Variants in SHROOM2 observed in about 807,000 individuals in gnomAD.
SHROOM2 encodes the protein protein Shroom2.
A neutral mutation model predicts 75.9 loss-of-function variants in SHROOM2; 33 were observed. The observed-to-expected ratio is 0.43, with a 90% CI of 0.33 to 0.58. SHROOM2 has a LOEUF of 0.58. Ranked by LOEUF, SHROOM2 falls within the 20% of genes least tolerant of loss-of-function variation. SHROOM2 has a pLI of 0.04. For missense variants in SHROOM2, 1,434 were observed against 1,461.2 expected (o/e 0.98, Z 0.30); for synonymous variants, 655 against 663.6 (o/e 0.99, Z 0.20).
rs183896290 is a variant in SHROOM2, at chrX:9,855,763, T to G, written c.166-17889T>G. ...TCGGGTGTGTCAGCCGCCTTGTCGC[T>G]GTGCTCTGCAAACTCTTGCCCACCA... On this transcript the variant is annotated intron_variant, in intron 1 of 9. Transcript: ENST00000380913. Among the ~76,000 whole-genome samples, 3 of 111,730 alleles carry G rather than the reference T, an allele frequency of 2.7e-5. No individual in the cohort carries two copies. The East Asian group carries it at 8.4e-4, about 31-fold the overall frequency.
intron 1 of SHROOM2, among the ~76,000 whole-genome samples, chrX:9,801,270 G>T (rs2083722811): frequency 8.9e-6 from 1 of 112,107 alleles, no homozygotes. Flanking sequence ...TCTCCCACCA[G>T]GTCCCTCCCA....
intron 1 of SHROOM2, among the ~76,000 whole-genome samples, chrX:9,810,162 A>G (rs1241384544): frequency 9.0e-6 from 1 of 111,247 alleles, no homozygotes; most frequent in East Asian, 2.8e-4. Flanking sequence ...ACTGATGACT[A>G]CCCTCTTCTA....
At chrX:9,937,035 G>A in intron 6 of SHROOM2, 99 bp from the exon 7 acceptor site, 1 of 893,442 alleles carries the variant, frequency 1.1e-6, no homozygotes, top group Non-Finnish European at 1.5e-6. Flanking sequence ...TAGTGCCTTT[G>A]AGTCAGGTTC....
At chrX:9,836,935 C>G (rs753483609) in intron 1 of SHROOM2, among the ~76,000 whole-genome samples, 1 of 112,399 alleles carries the variant, frequency 8.9e-6, no homozygotes, top group African/African-American at 3.2e-5. Context: ...GGACTTGCCT[C>G]ATTTGGACAC....
At chrX:9,852,930 A>T (rs1355445269) in intron 1 of SHROOM2, among the ~76,000 whole-genome samples, 2 of 111,599 alleles carry the variant, frequency 1.8e-5, no homozygotes, top group Admixed American at 1.9e-4. Flanking sequence ...CAATGGATGG[A>T]TGTAGACCTA....
At chrX:9,819,132 C>T (rs1468278044) in intron 1 of SHROOM2, 1 of 1,201,111 alleles carries the variant, frequency 8.3e-7, no homozygotes, top group South Asian at 1.8e-5. Context: ...TCGATAGCCA[C>T]AGGCTTTATA....
intron 1 of SHROOM2, among the ~76,000 whole-genome samples, chrX:9,869,111 C>G (rs2084158219): frequency 9.0e-6 from 1 of 110,716 alleles, no homozygotes. Context: ...CATGCGCCAC[C>G]ATGCCCAGCT....
intron 1 of SHROOM2, among the ~76,000 whole-genome samples, chrX:9,871,271 G>A (rs895827384): frequency 1.8e-5 from 2 of 112,126 alleles, no homozygotes; most frequent in Admixed American, 9.4e-5. Context: ...ACAGATGTGC[G>A]GGCGTCATTC....
At chrX:9,864,344 C>A (rs531423289) in intron 1 of SHROOM2, among the ~76,000 whole-genome samples, 12 of 110,900 alleles carry the variant, frequency 1.1e-4, no homozygotes, top group African/African-American at 3.6e-4. Context: ...ATAGGGAGAG[C>A]CAGGATCAAG....
At position 9,894,489 on chromosome X, in the gene SHROOM2, A is replaced by ACAG; in HGVS notation, c.587_589dup (p.Ser196dup). 1 of 1,206,456 alleles carries ACAG rather than the reference A, an allele frequency of 8.3e-7. No individual in the cohort carries two copies. Among genetic ancestry groups the ACAG allele is most frequent in the East Asian group, 3.0e-5 (1 of 33,691 alleles). ...AGTCGCCTCTCGGTGGCCAAGTCCA[A>ACAG]CAGCAGCATCGACCACCTGGGCAGC... is the stretch of plus-strand genomic sequence containing the variant. On this transcript the variant is annotated inframe_insertion, in exon 4 of 10. Transcript: ENST00000380913.
intron 5 of SHROOM2, among the ~76,000 whole-genome samples, chrX:9,928,024 C>G (rs774281906): frequency 8.9e-6 from 1 of 112,103 alleles, no homozygotes; most frequent in Non-Finnish European, 1.9e-5. Context: ...ACAGTGGTTT[C>G]GGTCCTGTCA....
chrX:9,945,331 G>A (rs754322479), intron 9 of SHROOM2, among the ~76,000 whole-genome samples: 1 of 110,261 alleles, frequency 9.1e-6, no homozygotes, highest in South Asian at 3.9e-4. Context: ...GGCTGGTCTG[G>A]AACTCCTGAG....
intron 6 of SHROOM2, among the ~76,000 whole-genome samples, chrX:9,935,214 G>T (rs1410818920): frequency 9.0e-6 from 1 of 111,605 alleles, no homozygotes; most frequent in Admixed American, 9.5e-5. Context: ...GGCAAGCAGA[G>T]CTTCTCCCGG....
At chrX:9,877,106 G>C (rs186631032) in intron 2 of SHROOM2, among the ~76,000 whole-genome samples, 1 of 112,001 alleles carries the variant, frequency 8.9e-6, no homozygotes, top group East Asian at 2.8e-4. Context: ...ATAGGATTGC[G>C]ATGGGCCACT....
At chrX:9,887,137 A>T (rs1055922668) in intron 2 of SHROOM2, among the ~76,000 whole-genome samples, 1 of 111,888 alleles carries the variant, frequency 8.9e-6, no homozygotes, top group South Asian at 3.7e-4. Context: ...GAAGGTTGAG[A>T]TGTATTTTGG....
chrX:9,833,648 A>ATGTGTGTG (rs1569144908), intron 1 of SHROOM2, among the ~76,000 whole-genome samples: 29 of 77,062 alleles, frequency 3.8e-4, no homozygotes, highest in African/African-American at 2.2e-3. Context: ...GTGTGTGTGC[A>ATGTGTGTG]TGCACGTGCA....
rs1272061018 is a variant in SHROOM2, at chrX:9,934,338, C to T, written c.3587+1468C>T. Among the ~76,000 whole-genome samples the T allele has an allele frequency of 1.8e-4, 20 of 111,238 alleles. No homozygotes were observed. The Admixed American group carries it at 1.9e-3, about 11-fold the overall frequency. On this transcript the variant is annotated intron_variant, in intron 6 of 9. Transcript: ENST00000380913. ...ATTTTTTTTCTTAGCTTCTAAATAA[C>T]TCAGCAGAGAAAGAACATGACTGAT...
At position 9,946,860 on chromosome X, in the gene SHROOM2, C is replaced by T; in HGVS notation, c.4774C>T (p.Leu1592=). The stretch of plus-strand genomic sequence containing the variant: ...GGCCCTCATCATCGAGCAGCGGGAG[C>T]TGGAAGATAAAATCCACCTTGGTGA... The part of the protein sequence containing the change: ...KSALIIEQRE[L]EDKIHLGEEQ... The change falls in exon 10 of 10, where the codon CTG becomes TTG. Residue 1592 remains leucine, a synonymous_variant. Transcript: ENST00000380913. 1 of 1,198,407 alleles carries T rather than the reference C, an allele frequency of 8.3e-7. No homozygotes were observed. Among genetic ancestry groups the T allele is most frequent in the South Asian group, 1.8e-5 (1 of 54,837 alleles).
rs1158874554 is a variant in SHROOM2, at chrX:9,813,693, G to A, written c.165+26983G>A. Reference sequence around the variant, plus strand: ...TTTTTATAATTCAAATTAGTCTTTTGTCCATTCGACCCAGAAGTTTTCTGC... The same window carrying A: ...TTTTTATAATTCAAATTAGTCTTTTATCCATTCGACCCAGAAGTTTTCTGC... On this transcript the variant is annotated intron_variant, in intron 1 of 9. Coordinates refer to ENST00000380913, the MANE Select transcript of SHROOM2 (RefSeq NM_001649.4). Among the ~76,000 whole-genome samples, 6 of 111,724 alleles carry A rather than the reference G, an allele frequency of 5.4e-5. No homozygotes were observed. In the Admixed American group the frequency reaches 5.7e-4, roughly 11 times the overall value.
Sources: allele counts gnomAD v4.1 joint callset (sites outside exome capture counted in the v4.1 genomes callset), GRCh38; gene constraint gnomAD v4.1.1; transcripts MANE v1.5; gene names NCBI Gene and HGNC (gene_info 2026-07-23, HGNC 2026-07-21).